SEC16B: variants seen among roughly 807,000 people sequenced by gnomAD.
SEC16B encodes protein transport protein Sec16B.
In SEC16B, 115 loss-of-function variants were observed where a neutral mutation model predicts 141.8. The observed-to-expected ratio is 0.81, with a 90% CI of 0.70 to 0.95. SEC16B has a LOEUF of 0.95. SEC16B is among the 40% of genes least tolerant of loss of function. The pLI, the probability that SEC16B is intolerant of heterozygous loss-of-function variation, is 0.00. For synonymous variants in SEC16B, 493 were observed against 492.5 expected (o/e 1.00, Z -0.01); for missense variants, 1,291 against 1,312.3 (o/e 0.98, Z 0.25).
chr1:177,937,044 T>C (rs1210794947), intron 19 of SEC16B, among the ~76,000 whole-genome samples, 170 bp downstream of exon 19: 1 of 151,998 alleles, frequency 6.6e-6, no homozygotes, highest in Non-Finnish European at 1.5e-5. Context: ...AAAGCACCAA[T>C]ACAGTGGCTG....
intron 13 of SEC16B, 21 bp from the exon 14 acceptor site, chr1:177,946,552 GACCCAATCACGGAGCACACCCGT>G: frequency 1.9e-6 from 3 of 1,543,894 alleles, no homozygotes; most frequent in Non-Finnish European, 2.6e-6. Context: ...AAGAGAACAA[GACCCAATCACGGAGCACACCCGT>G]ATGGGGAGCC....
At chr1:177,951,543 A>G (rs1268491496) in intron 12 of SEC16B, among the ~76,000 whole-genome samples, 2 of 152,208 alleles carry the variant, frequency 1.3e-5, no homozygotes, top group Non-Finnish European at 2.9e-5. Context: ...CAGAACAGGC[A>G]CAGGTCCTCT....
At chr1:177,936,480 C>A (rs750873210) in intron 19 of SEC16B, 115 bp from the exon 20 acceptor site, 343 of 868,148 alleles carry the variant, frequency 4.0e-4, no homozygotes, top group Middle Eastern at 2.2e-4. Context: ...AAGCTCGGAG[C>A]CCATAAGCCC....
At chr1:177,954,172 G>T in intron 11 of SEC16B, 107 bp downstream of exon 11, 1 of 718,086 alleles carries the variant, frequency 1.4e-6, no homozygotes, top group South Asian at 1.8e-5. Context: ...GATCCCTGGA[G>T]TGTGAGTCTC....
Position 177,954,375 on chromosome 1 carries a change from T to G in SEC16B, c.1367A>C (p.Glu456Ala), listed in dbSNP as rs1264132997. 5 of 1,569,500 alleles carry G rather than the reference T, an allele frequency of 3.2e-6. No homozygotes were observed. Among genetic ancestry groups the G allele is most frequent in the Non-Finnish European group, 3.5e-6 (4 of 1,156,188 alleles). The part of the protein sequence containing the change: ...TRLLYYGRKK[E>A]ALEWAMKNHL... ...GTTCTTCATGGCCCACTCCAAGGCT[T>G]CCTGAAAACCAAAACATCACATTCA... Residue 456 changes from glutamate to alanine, a missense_variant and splice_region_variant, in exon 11 of 26, where the codon GAA (glutamate) becomes GCA (alanine). By Grantham distance (107) the Glu-to-Ala change is moderately radical. This residue lies in a region of SEC16B where 681 missense variants were observed against 675.5 expected (regional missense o/e 1.01). Coordinates refer to ENST00000308284, the MANE Select transcript of SEC16B (RefSeq NM_033127.4).
Position 177,932,759 on chromosome 1 carries a change from T to G in SEC16B, c.2871A>C (p.Ser957=), listed in dbSNP as rs989780793. 6.8e-6 allele frequency: 11 copies of G among 1,612,240 alleles called. No individual in the cohort carries two copies. The highest frequency in any genetic ancestry group is 1.3e-5 in the African/African-American group (1 of 74,912). Residue 957 remains serine, a synonymous_variant, in exon 23 of 26, where the codon TCA becomes TCC. Transcript: ENST00000308284. ...SSPHQAGLGL[S]LTPSPESPPL... is the part of the protein sequence containing the mutation. ...GTGGGGACTCAGGGGAAGGTGTCAG[T>G]GAGAGGCCCAGGCCAGCCTGGTGGG...
At chr1:177,979,710 A>G (rs553816473) in intron 1 of SEC16B, among the ~76,000 whole-genome samples, 1 of 152,374 alleles carries the variant, frequency 6.6e-6, no homozygotes, top group South Asian at 2.1e-4. Flanking sequence ...AAGAGGTTTA[A>G]TGGACTTACA....
rs939708435 is a variant in SEC16B, at chr1:177,950,899, AGAAG to A, written c.1545+1011_1545+1014del. Among the ~76,000 whole-genome samples, 26 of 146,428 alleles carry A rather than the reference AGAAG, an allele frequency of 1.8e-4. No homozygotes were observed. The East Asian group carries it at 3.6e-3, about 20-fold the overall frequency. On this transcript the variant is annotated intron_variant, in intron 12 of 25. Coordinates refer to ENST00000308284, the MANE Select transcript of SEC16B (RefSeq NM_033127.4). ...AAGGAAGGAAGGAGGAAGGAAGGAAAGAAGGAAGGAAGGAAGAAAAGGAGGATGT... is the reference window on the plus strand; with the variant it reads ...AAGGAAGGAAGGAGGAAGGAAGGAAAGAAGGAAGGAAGAAAAGGAGGATGT...
Position 177,954,385 on chromosome 1 carries a change from C to T in SEC16B, c.1366-9G>A, listed in dbSNP as rs1197273855. ...GCCCACTCCAAGGCTTCCTGAAAAC[C>T]AAAACATCACATTCAAGAGTGCCTT... On this transcript the variant is annotated splice_polypyrimidine_tract_variant and intron_variant, in intron 10 of 25. Transcript: ENST00000308284. 1 of 1,561,558 alleles carries T rather than the reference C, an allele frequency of 6.4e-7. No homozygotes were observed. The highest frequency in any genetic ancestry group is 1.9e-5 in the Admixed American group (1 of 52,960).
chr1:177,932,421 C>A (rs1571303895), intron 24 of SEC16B, 69 bp downstream of exon 24: 1 of 1,230,678 alleles, frequency 8.1e-7, no homozygotes, highest in Non-Finnish European at 1.1e-6. Context: ...ACTGCCCACA[C>A]TGAAGGTTCA....
intron 5 of SEC16B, among the ~76,000 whole-genome samples, chr1:177,962,335 G>A (rs575053780): frequency 1.3e-5 from 2 of 152,096 alleles, no homozygotes; most frequent in Non-Finnish European, 2.9e-5. Flanking sequence ...CTCCCAAAGT[G>A]CTGGGATTAC....
chr1:177,928,880 A>C lies in SEC16B; in HGVS notation c.*978T>G, dbSNP rs1316623039. On this transcript the variant is annotated 3_prime_UTR_variant, in exon 26 of 26. Transcript: ENST00000308284. Reference sequence around the variant, plus strand: ...CCTGTATTTACAATTACATGTACAAAAAAAAATGTTCTTTGTGAGGAGCAA... The same window carrying C: ...CCTGTATTTACAATTACATGTACAACAAAAAATGTTCTTTGTGAGGAGCAA... The C allele has an allele frequency of 6.6e-6, 1 of 152,242 alleles. No individual in the cohort carries two copies. Among genetic ancestry groups the C allele is most frequent in the African/African-American group, 2.4e-5 (1 of 41,458 alleles). The allele number at this position is 152,242 out of a possible 1,614,324, so 9.4% of individuals were successfully genotyped here.
rs1393593369 is a variant in SEC16B at position 177,949,292 on chromosome 1, G to A, written c.1546-1350C>T. On this transcript the variant is annotated intron_variant, in intron 12 of 25. Transcript: ENST00000308284. ...TCCTACCAATAATCACATGTGCTAAGTCCTATTATGACCTGCATTTTAACA... is the reference window on the plus strand; with the variant it reads ...TCCTACCAATAATCACATGTGCTAAATCCTATTATGACCTGCATTTTAACA... Among the ~76,000 whole-genome samples, 11 of 151,524 alleles carry A rather than the reference G, an allele frequency of 7.3e-5. No homozygotes were observed. In the East Asian group the frequency reaches 2.1e-3, roughly 29 times the overall value.
At chr1:177,940,762 A>C in intron 16 of SEC16B, 48 bp from the exon 17 acceptor site, 1 of 1,300,488 alleles carries the variant, frequency 7.7e-7, no homozygotes, top group Non-Finnish European at 1.1e-6. Context: ...AAGAGAGGAG[A>C]GGAGAGAGAG....
intron 15 of SEC16B, among the ~76,000 whole-genome samples, chr1:177,943,014 C>A (rs138200604): frequency 3.3e-5 from 5 of 152,168 alleles, no homozygotes; most frequent in African/African-American, 1.2e-4. Context: ...GTTACCCTTC[C>A]GGGCCTCCGT....
intron 11 of SEC16B, among the ~76,000 whole-genome samples, chr1:177,953,461 C>G (rs1435293451): frequency 6.6e-6 from 1 of 152,222 alleles, no homozygotes; most frequent in Admixed American, 6.5e-5. Context: ...AAGTCTGCCC[C>G]TTAAAGGAGG....
At chr1:177,934,388 T>C (rs968737750) in intron 20 of SEC16B, among the ~76,000 whole-genome samples, 1 of 152,242 alleles carries the variant, frequency 6.6e-6, no homozygotes, top group Non-Finnish European at 1.5e-5. Flanking sequence ...TGGAGTCATA[T>C]GACATATTGC....
chr1:177,952,067 G>C (rs1652236622), intron 11 of SEC16B, 72 bp from the exon 12 acceptor site: 2 of 1,271,042 alleles, frequency 1.6e-6, no homozygotes, highest in Admixed American at 3.9e-5. Context: ...CAAGGCTCAG[G>C]GCCTTGCATA....
intron 5 of SEC16B, 58 bp downstream of exon 5, chr1:177,964,113 A>AC: frequency 7.9e-7 from 1 of 1,269,290 alleles, no homozygotes; most frequent in Non-Finnish European, 1.1e-6. Context: ...GCCACTGCTG[A>AC]CAGTGTCAGC....
Sources: allele counts gnomAD v4.1 joint callset (sites outside exome capture counted in the v4.1 genomes callset), GRCh38; gene constraint gnomAD v4.1.1; regional missense constraint gnomAD v4.1.1; transcripts MANE v1.5; gene names NCBI Gene and HGNC (gene_info 2026-07-23, HGNC 2026-07-21).